Variants in R3HDM1 observed in about 807,000 individuals in gnomAD.
R3HDM1 encodes R3H domain containing 1.
Under a neutral mutation model 141.1 loss-of-function variants are expected in R3HDM1, and 46 were observed. That is an observed-to-expected ratio of 0.33 (90% CI 0.26 to 0.42). The LOEUF (loss-of-function observed/expected upper bound fraction) is 0.42. Ranked by LOEUF, R3HDM1 falls within the 10% of genes least tolerant of loss-of-function variation. The pLI is 1.00. For missense variants in R3HDM1, 1,184 were observed against 1,368.3 expected (o/e 0.87, Z 2.12); for synonymous variants, 435 against 472.9 (o/e 0.92, Z 1.04).
intron 24 of R3HDM1, 66 bp downstream of exon 24, chr2:135,715,760 A>G (rs1575226422): frequency 1.3e-6 from 2 of 1,530,204 alleles, no homozygotes; most frequent in Non-Finnish European, 1.8e-6. Flanking sequence ...GTCACTTGGT[A>G]ATTTATCTTG....
At chr2:135,562,507 T>A (rs1030893838) in intron 1 of R3HDM1, among the ~76,000 whole-genome samples, 2 of 152,216 alleles carry the variant, frequency 1.3e-5, no homozygotes, top group African/African-American at 4.8e-5. Flanking sequence ...ATAATTTTGG[T>A]AGGATTTGGC....
intron 19 of R3HDM1, among the ~76,000 whole-genome samples, chr2:135,664,862 C>G (rs992724044): frequency 6.6e-6 from 1 of 152,194 alleles, no homozygotes; most frequent in African/African-American, 2.4e-5. Context: ...AAATAAAAGT[C>G]AGAATCCTGA....
chr2:135,723,268 C>G (rs1032056723), intron 26 of R3HDM1, among the ~76,000 whole-genome samples: 4 of 151,676 alleles, frequency 2.6e-5, no homozygotes, highest in Non-Finnish European at 5.9e-5. Flanking sequence ...ATTACAGTCG[C>G]CCACCAGCAC....
At chr2:135,605,455 CG>C (rs753639534) in intron 3 of R3HDM1, 2 of 155,132 alleles carry the variant, frequency 1.3e-5, no homozygotes, top group Admixed American at 6.4e-5. Flanking sequence ...TTTGTGGGCC[CG>C]GGGGAAGTTA....
chr2:135,562,760 C>G (rs1015710936), intron 1 of R3HDM1, among the ~76,000 whole-genome samples: 1 of 152,182 alleles, frequency 6.6e-6, no homozygotes, highest in Admixed American at 6.5e-5. Context: ...CTTTTTAAAG[C>G]CAACTATGCT....
intron 21 of R3HDM1, among the ~76,000 whole-genome samples, chr2:135,699,507 A>G (rs1319273191): frequency 3.3e-5 from 5 of 150,906 alleles, no homozygotes; most frequent in Non-Finnish European, 4.4e-5. Context: ...AAACGAGGAC[A>G]AGGAGAGTAT....
At chr2:135,533,441 A>G (rs2104868025) in intron 1 of R3HDM1, among the ~76,000 whole-genome samples, 1 of 152,374 alleles carries the variant, frequency 6.6e-6, no homozygotes, top group Middle Eastern at 3.4e-3. Context: ...GGTGATTTAT[A>G]TAGAGAAAGA....
Position 135,675,500 on chromosome 2 carries a change from T to A in R3HDM1, c.2307+14T>A. 1 of 1,600,764 alleles carries A rather than the reference T, an allele frequency of 6.2e-7. No homozygotes were observed. The highest frequency in any genetic ancestry group is 8.5e-7 in the Non-Finnish European group (1 of 1,170,150). On this transcript the variant is annotated intron_variant, in intron 20 of 26. Transcript: ENST00000683871. ...CCAACATATCAGGTATATTGTCTCT[T>A]TTATGTACTTTGGGTAGAGATGATT...
At chr2:135,659,059 G>GTA (rs1455603447) in intron 18 of R3HDM1, among the ~76,000 whole-genome samples, 73 of 145,760 alleles carry the variant, frequency 5.0e-4, no homozygotes, top group Admixed American at 1.8e-3. Context: ...CTGTGTGTGT[G>GTA]TGTGTGTGTG....
chr2:135,645,599 A>G lies in R3HDM1; in HGVS notation c.1623+72A>G, dbSNP rs950176561. On this transcript the variant is annotated intron_variant, in intron 16 of 26. Coordinates refer to ENST00000683871, the MANE Select transcript of R3HDM1 (RefSeq NM_001378107.1). ...ATATTTGGGACTAAATTCGCTAATT[A>G]TAATTGAGATAGCCTAAGTATCTCT... is the stretch of plus-strand genomic sequence containing the variant. The G allele has an allele frequency of 4.0e-6, 6 of 1,504,974 alleles. No individual in the cohort carries two copies. The African/African-American group carries it at 6.9e-5, about 17-fold the overall frequency. The allele number at this position is 1,504,974 out of a possible 1,614,324, so 93.2% of individuals were successfully genotyped here.
chr2:135,692,062 G>A (rs913635810), intron 21 of R3HDM1, among the ~76,000 whole-genome samples: 5 of 151,870 alleles, frequency 3.3e-5, no homozygotes, highest in East Asian at 2.0e-4. Flanking sequence ...ACAGGCTGCC[G>A]CCACCACACC....
chr2:135,605,243 A>G (rs1574275540), intron 3 of R3HDM1: 2 of 282,298 alleles, frequency 7.1e-6, no homozygotes, highest in Non-Finnish European at 1.3e-5. Context: ...GTGCATTTTT[A>G]TTGGCTTTCT....
chr2:135,718,683 T>C (rs1199623834), intron 24 of R3HDM1, among the ~76,000 whole-genome samples: 1 of 150,988 alleles, frequency 6.6e-6, no homozygotes, highest in Non-Finnish European at 1.5e-5. Context: ...GGTTTCACCA[T>C]GTTGCCCAGG....
intron 23 of R3HDM1, among the ~76,000 whole-genome samples, chr2:135,712,956 C>T (rs1216400511): frequency 5.9e-5 from 9 of 152,082 alleles, no homozygotes; most frequent in Non-Finnish European, 1.0e-4. Context: ...AATCCCAGCA[C>T]TTTGGGAGGC....
At chr2:135,579,602 G>T (rs574482092) in intron 1 of R3HDM1, among the ~76,000 whole-genome samples, 4 of 148,562 alleles carry the variant, frequency 2.7e-5, no homozygotes, top group East Asian at 2.0e-4. Context: ...TGGCGGGGGG[G>T]GGTGGAAATG....
chr2:135,567,905 T>TTC (rs1389539652), intron 1 of R3HDM1, among the ~76,000 whole-genome samples: 1 of 139,206 alleles, frequency 7.2e-6, no homozygotes. Flanking sequence ...ACACCTGGCT[T>TTC]TTTTTTTTTT....
intron 1 of R3HDM1, among the ~76,000 whole-genome samples, 191 bp from the exon 2 acceptor site, chr2:135,602,309 T>C (rs988985159): frequency 6.6e-6 from 1 of 152,210 alleles, no homozygotes. Flanking sequence ...CCTCTCGGCC[T>C]CAGTGACTTA....
At chr2:135,573,480 A>G (rs540678882) in intron 1 of R3HDM1, among the ~76,000 whole-genome samples, 25 of 152,186 alleles carry the variant, frequency 1.6e-4, no homozygotes, top group Middle Eastern at 6.8e-3. Flanking sequence ...GGGAATCTTA[A>G]CGTTATCTAA....
At chr2:135,659,575 A>G (rs2066423226) in intron 18 of R3HDM1, among the ~76,000 whole-genome samples, 1 of 151,958 alleles carries the variant, frequency 6.6e-6, no homozygotes, top group East Asian at 1.9e-4. Context: ...ATACAGGACT[A>G]CAGGCGTGTG....
Sources: gnomAD v4.1 joint callset for allele counts (sites outside exome capture counted in the v4.1 genomes callset) on GRCh38, gnomAD v4.1.1 for gene constraint, MANE v1.5 for transcripts, NCBI Gene and HGNC (gene_info 2026-07-23, HGNC 2026-07-21) for gene names.